TRAPPC9: variants seen among roughly 807,000 people sequenced by gnomAD.
The protein encoded by TRAPPC9 is IKK2 binding protein.
Under a neutral mutation model 124.0 loss-of-function variants are expected in TRAPPC9, and 83 were observed. That is an observed-to-expected ratio of 0.67 (90% CI 0.56 to 0.80). The LOEUF (loss-of-function observed/expected upper bound fraction) is 0.80. TRAPPC9 is among the 30% of genes least tolerant of loss of function. The pLI is 0.00. For missense variants in TRAPPC9, 1,302 were observed against 1,508.3 expected, an observed-to-expected ratio of 0.86 and a Z score of 2.27; for synonymous variants, 638 against 617.5, an observed-to-expected ratio of 1.03 and a Z score of -0.49.
chr8:139,899,241 C>T (rs1830868094), intron 20 of TRAPPC9, among the ~76,000 whole-genome samples: 1 of 151,734 alleles, frequency 6.6e-6, no homozygotes, highest in Non-Finnish European at 1.5e-5. Context: ...CGAAAATCCA[C>T]ATGTAATTTT....
intron 17 of TRAPPC9, among the ~76,000 whole-genome samples, chr8:140,051,576 C>CTTTTTTTTT (rs1197128988): frequency 2.8e-4 from 25 of 88,002 alleles, no homozygotes; most frequent in African/African-American, 5.1e-4. Flanking sequence ...ATTGTTCATT[C>CTTTTTTTTT]TTTTTTTTTT....
In TRAPPC9 at chr8:140,063,688, C is replaced by G. The variant is rs1034971342; in HGVS notation, c.2557-39609G>C. Among the ~76,000 whole-genome samples the G allele has an allele frequency of 5.3e-5, 8 of 152,176 alleles. No homozygotes were observed. The highest frequency in any genetic ancestry group is 1.9e-4 in the African/African-American group (8 of 41,432). Reference sequence around the variant, plus strand: ...ATAAAAGAATTATTTCGGCAGGATGCTGAACTAATACTAACTAGAAATATT... The same window carrying G: ...ATAAAAGAATTATTTCGGCAGGATGGTGAACTAATACTAACTAGAAATATT... On this transcript the variant is annotated intron_variant, in intron 17 of 22. Transcript: ENST00000438773. This position sits in a 1 kb window ranked among gnomAD's most constrained non-coding sequence, Gnocchi z 4.3.
At chr8:140,454,660 AC>A (rs374066866) in intron 1 of TRAPPC9, among the ~76,000 whole-genome samples, 105 of 121,602 alleles carry the variant, frequency 8.6e-4, no homozygotes, top group African/African-American at 1.4e-3. Context: ...AAAAAAAAAA[AC>A]ACAACCTGAC....
At chr8:140,052,495 G>A (rs1194110139) in intron 17 of TRAPPC9, among the ~76,000 whole-genome samples, 3 of 152,130 alleles carry the variant, frequency 2.0e-5, no homozygotes, top group Non-Finnish European at 4.4e-5. Context: ...TAAAAACTTA[G>A]TCAGGGCTGG....
At chr8:140,316,449 G>T (rs147367113) in intron 9 of TRAPPC9, among the ~76,000 whole-genome samples, 211 of 152,242 alleles carry the variant, frequency 1.4e-3, no homozygotes, top group African/African-American at 4.7e-3. Context: ...AATTTGTTGA[G>T]AGTTTTTATC....
chr8:139,892,028 C>T (rs996284261), intron 20 of TRAPPC9, among the ~76,000 whole-genome samples: 15 of 152,194 alleles, frequency 9.9e-5, no homozygotes, highest in Admixed American at 7.8e-4. Context: ...TACCAGGCCC[C>T]GAATGTCATG....
chr8:139,818,864 C>A (rs1257203138), intron 21 of TRAPPC9, among the ~76,000 whole-genome samples: 2 of 152,208 alleles, frequency 1.3e-5, no homozygotes, highest in Non-Finnish European at 2.9e-5. Flanking sequence ...CTAGGGAAAA[C>A]TTTCCTTGTC....
At chr8:140,308,071 C>T (rs891817416) in intron 10 of TRAPPC9, among the ~76,000 whole-genome samples, 1 of 152,004 alleles carries the variant, frequency 6.6e-6, no homozygotes, top group East Asian at 1.9e-4. Flanking sequence ...GAACTAAAAT[C>T]GTGAAAGATG....
chr8:140,424,301 T>G (rs1254442973), intron 5 of TRAPPC9, among the ~76,000 whole-genome samples: 1 of 152,050 alleles, frequency 6.6e-6, no homozygotes, highest in East Asian at 1.9e-4. Context: ...AAAGATCATT[T>G]TACGTAAAGT....
intron 19 of TRAPPC9, among the ~76,000 whole-genome samples, chr8:139,941,687 C>T (rs545920007): frequency 6.6e-6 from 1 of 152,332 alleles, no homozygotes; most frequent in East Asian, 1.9e-4. Context: ...GTGACTGTAA[C>T]TGTGGCAAGC....
intron 11 of TRAPPC9, among the ~76,000 whole-genome samples, chr8:140,295,244 C>CA (rs2065775424): frequency 6.6e-6 from 1 of 152,182 alleles, no homozygotes; most frequent in Admixed American, 6.5e-5. Flanking sequence ...TAACTGCTAC[C>CA]AAAAATGTTA....
intron 5 of TRAPPC9, among the ~76,000 whole-genome samples, chr8:140,421,873 A>G (rs1238140752): frequency 6.6e-6 from 1 of 151,558 alleles, no homozygotes; most frequent in East Asian, 2.0e-4. Flanking sequence ...TCACCACTGC[A>G]GAGTAAGTAA....
intron 16 of TRAPPC9, among the ~76,000 whole-genome samples, chr8:140,233,326 TC>T (rs2063648130): frequency 6.6e-6 from 1 of 151,930 alleles, no homozygotes; most frequent in African/African-American, 2.4e-5. Flanking sequence ...TGCCTCAGCC[TC>T]CCGAGTAGCT....
intron 21 of TRAPPC9, among the ~76,000 whole-genome samples, chr8:139,784,529 G>A (rs532737032): frequency 1.9e-4 from 28 of 150,314 alleles, no homozygotes; most frequent in African/African-American, 4.2e-4. Context: ...AGCAGAGATC[G>A]CGCCATTGCA....
intron 21 of TRAPPC9, among the ~76,000 whole-genome samples, chr8:139,826,263 T>C (rs910423501): frequency 1.4e-4 from 21 of 151,858 alleles, no homozygotes; most frequent in Admixed American, 1.2e-3. Flanking sequence ...CTTGGAGAGG[T>C]GTGACTGATC....
chr8:140,384,312 A>G (rs1295031204), intron 7 of TRAPPC9, among the ~76,000 whole-genome samples: 1 of 152,220 alleles, frequency 6.6e-6, no homozygotes, highest in Non-Finnish European at 1.5e-5. Context: ...ACATAACAAT[A>G]TTAACCTTAA....
intron 5 of TRAPPC9, among the ~76,000 whole-genome samples, chr8:140,424,230 G>A (rs1363549280): frequency 6.6e-6 from 1 of 151,762 alleles, no homozygotes; most frequent in Non-Finnish European, 1.5e-5. Context: ...ATTACAGGAA[G>A]AAGAAACTCT....
chr8:140,327,252 A>G (rs1398937251), intron 9 of TRAPPC9, among the ~76,000 whole-genome samples: 2 of 152,086 alleles, frequency 1.3e-5, no homozygotes, highest in African/African-American at 4.8e-5. Context: ...CTAAAAAAAA[A>G]GACAAGACAA....
chr8:140,433,786 G>C (rs989227333), intron 4 of TRAPPC9, among the ~76,000 whole-genome samples: 1 of 152,104 alleles, frequency 6.6e-6, no homozygotes, highest in African/African-American at 2.4e-5. Context: ...AGGATCTAGA[G>C]GCAAAGAACT....
Sources: allele counts gnomAD v4.1 joint callset (sites outside exome capture counted in the v4.1 genomes callset), GRCh38; gene constraint gnomAD v4.1.1; non-coding constraint Gnocchi (gnomAD v3.1); transcripts MANE v1.5; gene names NCBI Gene and HGNC (gene_info 2026-07-23, HGNC 2026-07-21).